Variants in PLEKHM2 observed in about 807,000 individuals in gnomAD.
PLEKHM2 encodes the protein pleckstrin homology and RUN domain containing M2.
Under a neutral mutation model 116.3 loss-of-function variants are expected in PLEKHM2, and 77 were observed. That is an observed-to-expected ratio of 0.66 (90% CI 0.55 to 0.80). The LOEUF is 0.80. Ranked by LOEUF, PLEKHM2 falls within the 30% of genes least tolerant of loss-of-function variation. PLEKHM2 has a pLI of 0.00. For synonymous variants in PLEKHM2, 562 were observed against 571.0 expected (o/e 0.98, Z 0.22); for missense variants, 1,183 against 1,354.9 (o/e 0.87, Z 1.99).
chr1:15,718,129 G>A (rs1641483230), intron 4 of PLEKHM2, 137 bp downstream of exon 4: 2 of 653,334 alleles, frequency 3.1e-6, no homozygotes, highest in South Asian at 1.8e-5. Context: ...GCCAGTAGCT[G>A]GGTAGCCTTC....
chr1:15,730,508 C>A (rs982170890), intron 14 of PLEKHM2, 24 bp from the exon 15 acceptor site: 6 of 1,515,040 alleles, frequency 4.0e-6, no homozygotes, highest in South Asian at 1.3e-5. Flanking sequence ...CTTGCTTTGT[C>A]CCCCGTGCCC....
rs750577757 is a variant in PLEKHM2 at position 15,731,906 on chromosome 1, G to A, written c.2483G>A (p.Gly828Asp). The change falls in exon 17 of 20, where the codon GGC becomes GAC. Residue 828 changes from glycine (G) to aspartate (D), a missense_variant. Around this residue, in one of 3 missense-constraint regions of PLEKHM2, gnomAD observed 594 missense variants for 720.1 expected, o/e 0.82. Coordinates refer to ENST00000375799, the MANE Select transcript of PLEKHM2 (RefSeq NM_015164.4). ...SVNMGGEQCG[G>D]CRRANTTDRP... Reference sequence around the variant, plus strand: ...TGGCCCAGGGGGGAGCAGTGCGGTGGCTGCCGGAGAGCCAACACCACGGAT... The same window carrying A: ...TGGCCCAGGGGGGAGCAGTGCGGTGACTGCCGGAGAGCCAACACCACGGAT... 3 of 1,611,024 alleles carry A rather than the reference G, an allele frequency of 1.9e-6. No individual in the cohort carries two copies. In the African/African-American group the frequency reaches 4.0e-5, roughly 22 times the overall value.
At chr1:15,682,627 AC>A (rs1329893222), upstream of PLEKHM2, among the ~76,000 whole-genome samples, 14,354 of 99,412 alleles carry the variant, frequency 0.14, 967 homozygotes, top group African/African-American at 0.32. Context: ...TCAAAAACAA[AC>A]AAAACAAAAC....
intron 1 of PLEKHM2, among the ~76,000 whole-genome samples, chr1:15,690,969 G>A (rs1182702102): frequency 2.0e-5 from 3 of 152,216 alleles, no homozygotes; most frequent in African/African-American, 7.2e-5. Flanking sequence ...AATTGGCAGG[G>A]AGGTTTGCTT....
chr1:15,711,484 G>A (rs570625158), intron 1 of PLEKHM2, among the ~76,000 whole-genome samples: 2 of 152,160 alleles, frequency 1.3e-5, no homozygotes, highest in East Asian at 1.9e-4. Flanking sequence ...AGGTGTGGTC[G>A]AAGGTGCCTG....
Position 15,728,112 on chromosome 1 carries a change from C to A in PLEKHM2, c.1794C>A (p.Ile598=), listed in dbSNP as rs759557361. The change falls in exon 10 of 20, where the codon ATC becomes ATA. Residue 598 remains isoleucine (I), a synonymous_variant. Transcript: ENST00000375799. The surrounding 1 kb of genome is among the most constrained non-coding windows in gnomAD (Gnocchi z 5.9). ...VDNNHLLLLM[I]HVFRENEEQL... ...ACAATCACCTGCTCCTGCTCATGAT[C>A]CACGTGTTCCGAGAAAACGAAGAGC... 6.2e-7 allele frequency: 1 copy of A among 1,611,458 alleles called. No homozygotes were observed. The highest frequency in any genetic ancestry group is 1.3e-5 in the African/African-American group (1 of 75,030).
At chr1:15,703,803 G>A (rs1641166573) in intron 1 of PLEKHM2, among the ~76,000 whole-genome samples, 1 of 152,192 alleles carries the variant, frequency 6.6e-6, no homozygotes, top group Admixed American at 6.6e-5. Flanking sequence ...GCAGTCTTGT[G>A]ACGCCCAGCC....
chr1:15,705,772 T>C (rs1641214232), intron 1 of PLEKHM2, among the ~76,000 whole-genome samples: 1 of 152,100 alleles, frequency 6.6e-6, no homozygotes, highest in Admixed American at 6.6e-5. Flanking sequence ...CCCTGGCCTT[T>C]CACAGTCTGT....
intron 1 of PLEKHM2, among the ~76,000 whole-genome samples, chr1:15,690,247 G>T (rs1031664949): frequency 4.0e-5 from 6 of 151,748 alleles, no homozygotes; most frequent in Non-Finnish European, 7.4e-5. Context: ...TGTATTTTTA[G>T]TAGAGACAGG....
At chr1:15,713,242 C>T (rs1641371665) in intron 1 of PLEKHM2, among the ~76,000 whole-genome samples, 1 of 152,210 alleles carries the variant, frequency 6.6e-6, no homozygotes, top group Admixed American at 6.5e-5. Context: ...GCATGAGCCA[C>T]CACTCGTGGC....
At position 15,727,878 on chromosome 1, in the gene PLEKHM2, G is replaced by A; in HGVS notation, c.1760+46G>A. 2 of 1,437,392 alleles carry A rather than the reference G, an allele frequency of 1.4e-6. No individual in the cohort carries two copies. The highest frequency in any genetic ancestry group is 1.9e-6 in the Non-Finnish European group (2 of 1,059,264). 89.0% of individuals were successfully genotyped at this position (1,437,392 alleles called of 1,614,324 possible). A position where few individuals can be genotyped will look rare whatever the true frequency, so the allele number is the denominator to read the frequency against. On this transcript the variant is annotated intron_variant, in intron 9 of 19. Coordinates refer to ENST00000375799, the MANE Select transcript of PLEKHM2 (RefSeq NM_015164.4). The surrounding 1 kb of genome is among the most constrained non-coding windows in gnomAD (Gnocchi z 7.5). ...GCATGGGACTCTCCCAGCCCTTGAA[G>A]CTGGGGACACTGTGCCTCTGACCTC...
At chr1:15,717,541 G>C (rs963991585) in intron 3 of PLEKHM2, among the ~76,000 whole-genome samples, 1 of 152,224 alleles carries the variant, frequency 6.6e-6, no homozygotes, top group Non-Finnish European at 1.5e-5. Flanking sequence ...AGCTGCCAGC[G>C]AGAGCTGGAC....
At chr1:15,716,615 T>G (rs992884299) in intron 2 of PLEKHM2, 92 bp from the exon 3 acceptor site, 1 of 1,333,890 alleles carries the variant, frequency 7.5e-7, no homozygotes, top group Admixed American at 2.0e-5. Context: ...GATCCATCAC[T>G]TCCTGCCTTG....
At chr1:15,720,411 C>CT (rs1162263115) in intron 6 of PLEKHM2, 14 of 985,188 alleles carry the variant, frequency 1.4e-5, no homozygotes, top group African/African-American at 1.7e-5. Flanking sequence ...TCCGATTTCT[C>CT]TGAGTTCCTT....
In PLEKHM2 at chr1:15,727,187, C is replaced by A. The variant is rs199741495; in HGVS notation, c.1115C>A (p.Pro372His). The stretch of plus-strand genomic sequence containing the variant: ...TCGCCAGACACTATGCTTGCCTCCC[C>A]CCAGGAGGAGGGAGAGGGGCCGAGC... The part of the protein sequence containing the change: ...RDSPDTMLAS[P>H]QEEGEGPSST... Residue 372 changes from proline to histidine, a missense_variant, in exon 9 of 20, where the codon CCC (proline) becomes CAC (histidine). Pro to His is a moderately conservative substitution (Grantham distance 77). Around this residue, in one of 3 missense-constraint regions of PLEKHM2, gnomAD observed 372 missense variants for 357.2 expected, o/e 1.04. Transcript: ENST00000375799. This position sits in a 1 kb window ranked among gnomAD's most constrained non-coding sequence, Gnocchi z 7.5. The A allele has an allele frequency of 6.8e-6, 11 of 1,605,882 alleles. No homozygotes were observed. Among genetic ancestry groups the A allele is most frequent in the Middle Eastern group, 1.7e-4 (1 of 6,036 alleles).
At chr1:15,724,155 CAGAA>C (rs959824318) in intron 7 of PLEKHM2, among the ~76,000 whole-genome samples, 1 of 152,182 alleles carries the variant, frequency 6.6e-6, no homozygotes, top group Non-Finnish European at 1.5e-5. Flanking sequence ...GGGTATGAGT[CAGAA>C]AGGACCAGTC....
At chr1:15,687,739 T>C (rs940487774) in intron 1 of PLEKHM2, among the ~76,000 whole-genome samples, 1 of 152,192 alleles carries the variant, frequency 6.6e-6, no homozygotes, top group African/African-American at 2.4e-5. Flanking sequence ...TTAGTTTGGC[T>C]ACAGCAGTAG....
intron 1 of PLEKHM2, among the ~76,000 whole-genome samples, chr1:15,697,290 C>G (rs1356028853): frequency 6.6e-6 from 1 of 152,206 alleles, no homozygotes; most frequent in Non-Finnish European, 1.5e-5. Context: ...CTCTGTTTTT[C>G]AGGCCATTGG....
intron 18 of PLEKHM2, 24 bp from the exon 19 acceptor site, chr1:15,732,588 A>AC (rs368437201): frequency 3.1e-6 from 5 of 1,597,608 alleles, no homozygotes; most frequent in African/African-American, 2.7e-5. Flanking sequence ...CTGGCTGCTC[A>AC]CCCGGGGGCC....
Sources: gnomAD v4.1 joint callset for allele counts (sites outside exome capture counted in the v4.1 genomes callset) on GRCh38, gnomAD v4.1.1 for gene constraint, gnomAD v4.1.1 regional missense constraint, Gnocchi (gnomAD v3.1) non-coding constraint, MANE v1.5 for transcripts, NCBI Gene and HGNC (gene_info 2026-07-23, HGNC 2026-07-21) for gene names.